Variants in CHAF1A observed in about 807,000 individuals in gnomAD.
CHAF1A encodes the protein chromatin assembly factor 1 subunit A.
CHAF1A carries 5 observed loss-of-function variants against 93.2 expected under a neutral mutation model. The ratio of observed to expected loss-of-function variants is 0.05; its 90% CI spans 0.03 to 0.11. The LOEUF (loss-of-function observed/expected upper bound fraction) is 0.11, where lower values mean the gene tolerates loss of function less well. Among genes scored for constraint, CHAF1A ranks in the 10% least tolerant of loss-of-function variants. The pLI is 1.00. For synonymous variants in CHAF1A, 504 were observed against 510.3 expected (o/e 0.99, Z 0.17); for missense variants, 1,102 against 1,259.9 (o/e 0.87, Z 1.90).
At chr19:4,447,454 A>T (rs1974558308), downstream of CHAF1A, 2 of 1,379,124 alleles carry the variant, frequency 1.5e-6, no homozygotes, top group African/African-American at 2.9e-5. Context: ...TAGCTCCTCC[A>T]GGGAGCCCAC....
rs905305707 is a variant in CHAF1A at position 4,408,393 on chromosome 19, C to T, written c.104-510C>T. On this transcript the variant is annotated intron_variant, in intron 2 of 14. Coordinates refer to ENST00000301280, the MANE Select transcript of CHAF1A (RefSeq NM_005483.3). ...ACTTTTAGTAGAGACGGGGTTTCACCGTGTTAGCCAGGATGGTCTCGATCT... is the reference window on the plus strand; with the variant it reads ...ACTTTTAGTAGAGACGGGGTTTCACTGTGTTAGCCAGGATGGTCTCGATCT... Among the ~76,000 whole-genome samples the T allele has an allele frequency of 6.8e-5, 10 of 147,832 alleles. No homozygotes were observed. The East Asian group carries it at 1.4e-3, about 21-fold the overall frequency.
chr19:4,408,461 C>CTGTTTTTT (rs1776956822), intron 2 of CHAF1A, among the ~76,000 whole-genome samples: 1 of 36,012 alleles, frequency 2.8e-5, no homozygotes, highest in Non-Finnish European at 4.3e-5. Flanking sequence ...CGCACCCGGC[C>CTGTTTTTT]TTTTTTTTTT....
At chr19:4,448,118 G>T, downstream of CHAF1A, 1 of 599,554 alleles carries the variant, frequency 1.7e-6, no homozygotes, top group Non-Finnish European at 3.0e-6. Flanking sequence ...CCTTCATTTT[G>T]CACACGGGTA....
chr19:4,448,663 G>A, downstream of CHAF1A: 1 of 542,140 alleles, frequency 1.8e-6, no homozygotes, highest in Non-Finnish European at 3.3e-6. Flanking sequence ...CTCAAGGCTA[G>A]ATCCATGGGA....
At chr19:4,403,011 G>A (rs910640578) in intron 1 of CHAF1A, among the ~76,000 whole-genome samples, 197 bp downstream of exon 1, 3 of 152,218 alleles carry the variant, frequency 2.0e-5, no homozygotes, top group Admixed American at 1.3e-4. Context: ...TATTGTTGTA[G>A]CCGCGACCAT....
chr19:4,432,336 CT>C, intron 12 of CHAF1A, 129 bp downstream of exon 12: 2 of 1,103,618 alleles, frequency 1.8e-6, no homozygotes, highest in Non-Finnish European at 2.5e-6. Context: ...GAGGCCAGCC[CT>C]TTTCCTGTAC....
intron 4 of CHAF1A, among the ~76,000 whole-genome samples, chr19:4,420,257 T>A (rs1466722207): frequency 6.8e-6 from 1 of 148,026 alleles, no homozygotes; most frequent in Admixed American, 6.8e-5. Flanking sequence ...TTTTTTTTTT[T>A]ATTTTGAGAC....
chr19:4,423,474 C>G, intron 6 of CHAF1A, 79 bp downstream of exon 6: 1 of 1,607,260 alleles, frequency 6.2e-7, no homozygotes, highest in Non-Finnish European at 8.5e-7. Context: ...TTGCCACAGC[C>G]GTCACCTAAT....
intron 4 of CHAF1A, among the ~76,000 whole-genome samples, chr19:4,420,892 G>C (rs1376205103): frequency 6.6e-6 from 1 of 152,128 alleles, no homozygotes; most frequent in Non-Finnish European, 1.5e-5. Context: ...GGGCAACATA[G>C]TGAGACTCCA....
At position 4,442,255 on chromosome 19, in the gene CHAF1A, A is replaced by G. The variant is rs1409275875; in HGVS notation, c.2684A>G (p.Glu895Gly). Residue 895 changes from glutamate to glycine, a missense_variant, in exon 14 of 15, where the codon GAA (glutamate) becomes GGA (glycine). Physicochemically the swap from Glu to Gly is moderately conservative, Grantham distance 98. Coordinates refer to ENST00000301280, the MANE Select transcript of CHAF1A (RefSeq NM_005483.3). The part of the protein sequence containing the change: ...KRRHDGQIGA[E>G]DMDGFQADTE... ...ACCCTGTCTGTCCAGATTGGTGCTG[A>G]AGACATGGACGGCTTCCAGGCAGAC... The G allele has an allele frequency of 6.2e-7, 1 of 1,614,016 alleles. No individual in the cohort carries two copies. The highest frequency in any genetic ancestry group is 2.2e-5 in the East Asian group (1 of 44,880).
At chr19:4,442,136 T>G in intron 13 of CHAF1A, 109 bp from the exon 14 acceptor site, 2 of 823,244 alleles carry the variant, frequency 2.4e-6, no homozygotes, top group Non-Finnish European at 2.1e-6. Context: ...TCCTTCCGTG[T>G]TGGGGGTGGG....
At chr19:4,445,323 A>C, downstream of CHAF1A, 1 of 1,080,440 alleles carries the variant, frequency 9.3e-7, no homozygotes, top group Non-Finnish European at 1.3e-6. Context: ...CCCCCAAGGG[A>C]TGGGGGCTCT....
chr19:4,424,047 G>A (rs763573387), intron 7 of CHAF1A, among the ~76,000 whole-genome samples, 173 bp downstream of exon 7: 6 of 152,108 alleles, frequency 3.9e-5, no homozygotes, highest in Non-Finnish European at 7.4e-5. Context: ...TTTGTCCTTC[G>A]CTTTGTCCCA....
intron 2 of CHAF1A, 70 bp from the exon 3 acceptor site, chr19:4,408,833 T>C: frequency 6.6e-7 from 1 of 1,521,680 alleles, no homozygotes; most frequent in Non-Finnish European, 8.8e-7. Context: ...AACAAATCAG[T>C]AATTTTCAAG....
At chr19:4,448,513 A>G (rs1974588475), downstream of CHAF1A, 1 of 920,718 alleles carries the variant, frequency 1.1e-6, no homozygotes, top group Non-Finnish European at 1.7e-6. Flanking sequence ...AAGGCAGAAC[A>G]GCGGCTTGGA....
chr19:4,446,549 C>G (rs907885134), downstream of CHAF1A: 30 of 1,612,310 alleles, frequency 1.9e-5, no homozygotes, highest in Non-Finnish European at 2.5e-5. Context: ...TTGAAGAAGT[C>G]CCCAGGCAGT....
At chr19:4,427,190 C>T (rs553772118) in intron 7 of CHAF1A, among the ~76,000 whole-genome samples, 14 of 109,912 alleles carry the variant, frequency 1.3e-4, no homozygotes, top group Admixed American at 2.7e-4. Context: ...TGCTCTGTTG[C>T]CCAGGCTAGA....
chr19:4,446,879 C>T (rs1314458136), downstream of CHAF1A: 1 of 1,613,908 alleles, frequency 6.2e-7, no homozygotes, highest in Non-Finnish European at 8.5e-7. Context: ...ACCCAATGGC[C>T]TCAAAAAACT....
Position 4,418,144 on chromosome 19 carries a change from C to T in CHAF1A, c.1017+68C>T. 1.9e-6 allele frequency: 2 copies of T among 1,047,686 alleles called. 1 individual carries two copies. The highest frequency in any genetic ancestry group is 2.9e-5 in the South Asian group (2 of 69,394). 64.9% of individuals were successfully genotyped at this position (1,047,686 alleles called of 1,614,324 possible). ...TTTTGCATTAAATAGTAAGCAAAGCCCTTTGAAGTTCCTTTGGTCTAGTTT... is the reference window on the plus strand; with the variant it reads ...TTTTGCATTAAATAGTAAGCAAAGCTCTTTGAAGTTCCTTTGGTCTAGTTT... On this transcript the variant is annotated intron_variant, in intron 4 of 14. Transcript: ENST00000301280.
Sources: allele counts gnomAD v4.1 joint callset (sites outside exome capture counted in the v4.1 genomes callset), GRCh38; gene constraint gnomAD v4.1.1; transcripts MANE v1.5; gene names NCBI Gene and HGNC (gene_info 2026-07-23, HGNC 2026-07-21).